MSRA: variants seen among roughly 807,000 people sequenced by gnomAD.
MSRA encodes the protein mitochondrial peptide methionine sulfoxide reductase.
A neutral mutation model predicts 31.3 loss-of-function variants in MSRA; 54 were observed. The ratio of observed to expected loss-of-function variants is 1.73; its 90% CI spans 1.39 to 2.17. The LOEUF (loss-of-function observed/expected upper bound fraction) is 2.17. MSRA is among the 30% of genes most tolerant of loss of function. The probability of loss-of-function intolerance (pLI) is 0.00; values close to 1 mark genes in which losing one functional copy is unlikely to be tolerated. For missense variants in MSRA, 507 were observed against 300.9 expected, an observed-to-expected ratio of 1.69 and a Z score of -5.07; for synonymous variants, 169 against 116.5, an observed-to-expected ratio of 1.45 and a Z score of -2.90.
chr8:10,159,855 G>C (rs1804486309), intron 1 of MSRA, among the ~76,000 whole-genome samples: 1 of 152,122 alleles, frequency 6.6e-6, no homozygotes, highest in Non-Finnish European at 1.5e-5. Context: ...GGTTCCTACA[G>C]GTTTTTATGT....
intron 1 of MSRA, among the ~76,000 whole-genome samples, chr8:10,105,414 C>G (rs1270723308): frequency 2.0e-5 from 3 of 152,172 alleles, no homozygotes; most frequent in African/African-American, 7.2e-5. Flanking sequence ...GAAAAAGTTT[C>G]TCATTTTCCA....
chr8:10,245,621 CTT>C (rs960394961), intron 3 of MSRA, among the ~76,000 whole-genome samples: 1 of 152,218 alleles, frequency 6.6e-6, no homozygotes, highest in African/African-American at 2.4e-5. Flanking sequence ...CTGCTTTACT[CTT>C]TGGCCTGGCA....
At chr8:10,186,426 T>A (rs550929457) in intron 1 of MSRA, among the ~76,000 whole-genome samples, 82 of 152,276 alleles carry the variant, frequency 5.4e-4, no homozygotes, top group African/African-American at 1.9e-3. Context: ...GACACTCAAA[T>A]TTGAATCTCT....
intron 3 of MSRA, among the ~76,000 whole-genome samples, chr8:10,285,876 TTTC>T (rs1168531808): frequency 2.0e-5 from 3 of 152,214 alleles, no homozygotes; most frequent in South Asian, 2.1e-4. Context: ...CAAAGCTGTA[TTTC>T]TTCTTCTGCT....
intron 2 of MSRA, among the ~76,000 whole-genome samples, chr8:10,219,331 A>G (rs959693818): frequency 9.8e-5 from 15 of 152,298 alleles, no homozygotes; most frequent in African/African-American, 3.1e-4. Context: ...CAGAAGGTGT[A>G]GGTAAAACTG....
At chr8:10,192,044 C>A in intron 1 of MSRA, among the ~76,000 whole-genome samples, 1 of 152,082 alleles carries the variant, frequency 6.6e-6, no homozygotes, top group East Asian at 1.9e-4. Flanking sequence ...TGGCAAGCCT[C>A]CGTTTCCTGC....
chr8:10,145,253 A>G (rs1336846383), intron 1 of MSRA, among the ~76,000 whole-genome samples: 1 of 152,190 alleles, frequency 6.6e-6, no homozygotes, highest in Non-Finnish European at 1.5e-5. Flanking sequence ...TCCTTCCTTA[A>G]GACAAACAAT....
chr8:10,226,386 G>A (rs1410528883), intron 2 of MSRA, among the ~76,000 whole-genome samples: 1 of 152,184 alleles, frequency 6.6e-6, no homozygotes, highest in African/African-American at 2.4e-5. Context: ...TGTGGCTGCA[G>A]ATTGCTTTGG....
chr8:10,183,029 C>A (rs965381851), intron 1 of MSRA, among the ~76,000 whole-genome samples: 1 of 152,210 alleles, frequency 6.6e-6, no homozygotes, highest in South Asian at 2.1e-4. Flanking sequence ...AGCCAACCAG[C>A]CACCTCACCT....
intron 2 of MSRA, among the ~76,000 whole-genome samples, chr8:10,224,427 A>C (rs141019160): frequency 3.7e-4 from 57 of 152,300 alleles, no homozygotes; most frequent in African/African-American, 1.3e-3. Flanking sequence ...AACAAACAAC[A>C]GTATTCTCCT....
At chr8:10,218,015 C>G (rs1415410419) in intron 2 of MSRA, among the ~76,000 whole-genome samples, 2 of 151,974 alleles carry the variant, frequency 1.3e-5, no homozygotes, top group East Asian at 3.9e-4. Context: ...GTTCATTTGT[C>G]CTCTTGTATT....
intron 5 of MSRA, among the ~76,000 whole-genome samples, chr8:10,391,125 C>G (rs890130482): frequency 6.6e-6 from 1 of 152,194 alleles, no homozygotes; most frequent in East Asian, 1.9e-4. Context: ...AATATTCTCA[C>G]TCTATTGGAA....
intron 5 of MSRA, among the ~76,000 whole-genome samples, chr8:10,390,000 C>G (rs532985937): frequency 5.9e-5 from 9 of 152,240 alleles, no homozygotes; most frequent in African/African-American, 2.2e-4. Context: ...TCTGCAGGTA[C>G]CAGGTCAGAC....
At chr8:10,240,935 C>T (rs1188074553) in intron 2 of MSRA, among the ~76,000 whole-genome samples, 1 of 151,932 alleles carries the variant, frequency 6.6e-6, no homozygotes, top group African/African-American at 2.4e-5. Context: ...GGAGTTGGTG[C>T]AGCCTGGTGG....
intron 3 of MSRA, among the ~76,000 whole-genome samples, chr8:10,272,627 G>A (rs974105301): frequency 1.3e-5 from 2 of 152,174 alleles, no homozygotes; most frequent in South Asian, 4.1e-4. Context: ...AAATGTCTTG[G>A]CACAGTCAAG....
intron 5 of MSRA, among the ~76,000 whole-genome samples, chr8:10,352,270 G>A (rs1381674578): frequency 6.6e-6 from 1 of 152,168 alleles, no homozygotes; most frequent in Non-Finnish European, 1.5e-5. Context: ...AAAACATATA[G>A]ATATGAAGAC....
At chr8:10,349,524 C>G (rs1410085542) in intron 5 of MSRA, among the ~76,000 whole-genome samples, 1 of 152,196 alleles carries the variant, frequency 6.6e-6, no homozygotes, top group African/African-American at 2.4e-5. Flanking sequence ...TGGCATCTTG[C>G]ACATTTGCTA....
Position 10,198,371 on chromosome 8 carries a change from A to T in MSRA, c.143-9462A>T, listed in dbSNP as rs146296076. Among the ~76,000 whole-genome samples, 455 of 151,654 alleles carry T rather than the reference A, an allele frequency of 3.0e-3. 5 individuals are homozygous for T. The highest frequency in any genetic ancestry group is 0.01 in the African/African-American group (431 of 41,344). On this transcript the variant is annotated intron_variant, in intron 1 of 5. Coordinates refer to ENST00000317173, the MANE Select transcript of MSRA (RefSeq NM_012331.5). ...ACTCAACTCCATATATATTATTATTATTTCCTGATGCCAGGAAAAAAGTAC... is the reference window on the plus strand; with the variant it reads ...ACTCAACTCCATATATATTATTATTTTTTCCTGATGCCAGGAAAAAAGTAC...
At chr8:10,421,734 G>A (rs1384174998) in intron 5 of MSRA, among the ~76,000 whole-genome samples, 1 of 152,190 alleles carries the variant, frequency 6.6e-6, no homozygotes, top group East Asian at 1.9e-4. Flanking sequence ...GTGCATCTGT[G>A]GTGTTCCTAT....
Sources: allele counts gnomAD v4.1 joint callset (sites outside exome capture counted in the v4.1 genomes callset), GRCh38; gene constraint gnomAD v4.1.1; transcripts MANE v1.5; gene names NCBI Gene and HGNC (gene_info 2026-07-23, HGNC 2026-07-21).